Variants in CFAP299 observed in about 807,000 individuals in gnomAD.
The protein encoded by CFAP299 is cilia- and flagella-associated protein 299.
A neutral mutation model predicts 27.0 loss-of-function variants in CFAP299; 21 were observed. That is an observed-to-expected ratio of 0.78 (90% CI 0.55 to 1.12). The LOEUF (loss-of-function observed/expected upper bound fraction) is 1.12. Among genes scored for constraint, CFAP299 ranks in the 50% most tolerant of loss-of-function variants. The pLI, the probability that CFAP299 is intolerant of heterozygous loss-of-function variation, is 0.00. For missense variants in CFAP299, 310 were observed against 276.6 expected (o/e 1.12, Z -0.86); for synonymous variants, 104 against 98.1 (o/e 1.06, Z -0.36).
chr4:80,885,853 T>A (rs1262552730), intron 4 of CFAP299, among the ~76,000 whole-genome samples: 2 of 152,034 alleles, frequency 1.3e-5, no homozygotes, highest in Middle Eastern at 3.2e-3. Flanking sequence ...TGCCATGCAC[T>A]TTAGGTACCA....
At chr4:80,407,685 C>T (rs1726503213) in intron 2 of CFAP299, among the ~76,000 whole-genome samples, 1 of 152,046 alleles carries the variant, frequency 6.6e-6, no homozygotes, top group Admixed American at 6.6e-5. Flanking sequence ...ATTTGTATTG[C>T]AAAAGGTGTA....
At chr4:80,535,061 C>T (rs992134210) in intron 2 of CFAP299, among the ~76,000 whole-genome samples, 3 of 152,038 alleles carry the variant, frequency 2.0e-5, no homozygotes, top group African/African-American at 4.8e-5. Context: ...AGGAGAGACT[C>T]GGAGTTTAGC....
intron 1 of CFAP299, among the ~76,000 whole-genome samples, chr4:80,345,609 C>CT (rs1300351893): frequency 6.6e-6 from 1 of 152,030 alleles, no homozygotes; most frequent in Admixed American, 6.5e-5. Flanking sequence ...TGAATGCATC[C>CT]TTTTTTATGG....
At chr4:80,670,341 G>A (rs1338879026) in intron 3 of CFAP299, among the ~76,000 whole-genome samples, 1 of 152,138 alleles carries the variant, frequency 6.6e-6, no homozygotes, top group Non-Finnish European at 1.5e-5. Flanking sequence ...TGGCTGCATA[G>A]TATTCCATGG....
At chr4:80,373,887 A>AT (rs148982568) in intron 2 of CFAP299, among the ~76,000 whole-genome samples, 5,724 of 152,224 alleles carry the variant, frequency 0.038, 218 homozygotes, top group African/African-American at 0.092. Flanking sequence ...TAACTAGCAC[A>AT]TTTTTTATGC....
intron 2 of CFAP299, among the ~76,000 whole-genome samples, chr4:80,408,126 G>A (rs1057411199): frequency 6.6e-6 from 1 of 152,104 alleles, no homozygotes; most frequent in Non-Finnish European, 1.5e-5. Context: ...AATGCACATA[G>A]GCAATAATTT....
intron 3 of CFAP299, among the ~76,000 whole-genome samples, chr4:80,623,483 G>A (rs1472898134): frequency 2.6e-5 from 4 of 152,118 alleles, no homozygotes; most frequent in African/African-American, 9.7e-5. Context: ...CACCCCACAG[G>A]AATATTGATT....
At chr4:80,512,585 T>C (rs960058202) in intron 2 of CFAP299, among the ~76,000 whole-genome samples, 4 of 152,166 alleles carry the variant, frequency 2.6e-5, no homozygotes, top group Non-Finnish European at 2.9e-5. Context: ...AGTGAGGCGA[T>C]GAGGAAAGGA....
At chr4:80,719,019 TTCTTAG>T (rs1475721149) in intron 3 of CFAP299, among the ~76,000 whole-genome samples, 3 of 152,172 alleles carry the variant, frequency 2.0e-5, no homozygotes, top group Non-Finnish European at 2.9e-5. Context: ...GGGGCCATTA[TTCTTAG>T]TAAACTAATG....
At chr4:80,513,546 A>C (rs1278022587) in intron 2 of CFAP299, among the ~76,000 whole-genome samples, 2 of 152,118 alleles carry the variant, frequency 1.3e-5, no homozygotes, top group Non-Finnish European at 2.9e-5. Context: ...GTTACTATTC[A>C]GTAGAGAAAT....
chr4:80,597,227 A>G (rs1737100170), intron 3 of CFAP299, among the ~76,000 whole-genome samples: 2 of 152,142 alleles, frequency 1.3e-5, no homozygotes, highest in South Asian at 4.1e-4. Context: ...TGGTCTTGCT[A>G]ACATTTAGTA....
chr4:80,814,072 T>C (rs1729300155), intron 3 of CFAP299, among the ~76,000 whole-genome samples: 1 of 152,052 alleles, frequency 6.6e-6, no homozygotes, highest in Non-Finnish European at 1.5e-5. Flanking sequence ...TCAAAAGTAC[T>C]GGAAAGTTTT....
chr4:80,412,543 G>A (rs951297037), intron 2 of CFAP299, among the ~76,000 whole-genome samples: 13 of 152,280 alleles, frequency 8.5e-5, no homozygotes, highest in African/African-American at 2.9e-4. Flanking sequence ...CTTATTTGGT[G>A]AGTATGGTGC....
intron 4 of CFAP299, among the ~76,000 whole-genome samples, chr4:80,885,192 G>A (rs890093921): frequency 5.3e-5 from 8 of 152,168 alleles, no homozygotes; most frequent in Non-Finnish European, 8.8e-5. Context: ...GATGGCAATT[G>A]CCCATCCCAG....
intron 4 of CFAP299, among the ~76,000 whole-genome samples, chr4:80,875,171 T>C (rs939415603): frequency 2.8e-4 from 43 of 152,178 alleles, no homozygotes; most frequent in African/African-American, 8.4e-4. Context: ...CCCCAATCTT[T>C]AGAACCAGTA....
Position 80,454,843 on chromosome 4 carries a change from T to G in CFAP299, c.242+91959T>G, listed in dbSNP as rs935990604. Among the ~76,000 whole-genome samples the G allele has an allele frequency of 3.3e-5, 5 of 152,126 alleles. No homozygotes were observed. The South Asian group carries it at 8.3e-4, about 25-fold the overall frequency. On this transcript the variant is annotated intron_variant, in intron 2 of 5. Coordinates refer to ENST00000358105, the MANE Select transcript of CFAP299 (RefSeq NM_152770.3). ...TTTCTGAAAACTGAGAGACTGGGGT[T>G]TTTAAGGATAACATGGTGGGTAGGG...
chr4:80,417,186 G>A (rs1308550602), intron 2 of CFAP299, among the ~76,000 whole-genome samples: 1 of 152,150 alleles, frequency 6.6e-6, no homozygotes, highest in African/African-American at 2.4e-5. Flanking sequence ...AACTGTCATG[G>A]CGCTGGTGGG....
At chr4:80,894,320 A>G (rs963651368) in intron 4 of CFAP299, among the ~76,000 whole-genome samples, 2 of 152,028 alleles carry the variant, frequency 1.3e-5, no homozygotes, top group Admixed American at 6.6e-5. Context: ...AATTATTTAT[A>G]TGCTTATTAA....
At chr4:80,632,352 T>G (rs1464784026) in intron 3 of CFAP299, among the ~76,000 whole-genome samples, 2 of 152,210 alleles carry the variant, frequency 1.3e-5, no homozygotes, top group African/African-American at 4.8e-5. Context: ...GCTCATTCAT[T>G]CAATAAATAT....
Sources: gnomAD v4.1 joint callset for allele counts (sites outside exome capture counted in the v4.1 genomes callset) on GRCh38, gnomAD v4.1.1 for gene constraint, MANE v1.5 for transcripts, NCBI Gene and HGNC (gene_info 2026-07-23, HGNC 2026-07-21) for gene names.